PURA: variants seen among roughly 807,000 people sequenced by gnomAD.
The protein encoded by PURA is transcriptional activator protein Pur-alpha.
In PURA, 2 loss-of-function variants were observed where a neutral mutation model predicts 23.1. The ratio of observed to expected loss-of-function variants is 0.09; its 90% CI spans 0.04 to 0.27. The LOEUF (loss-of-function observed/expected upper bound fraction) is 0.27. PURA is among the 10% of genes least tolerant of loss of function. PURA has a pLI of 1.00. For synonymous variants in PURA, 254 were observed against 205.9 expected, an observed-to-expected ratio of 1.23 and a Z score of -2.00; for missense variants, 187 against 449.7, an observed-to-expected ratio of 0.42 and a Z score of 5.28.
Position 140,120,990 on chromosome 5 carries a change from C to T in PURA, c.*5840C>T, listed in dbSNP as rs1258542482. On this transcript the variant is annotated 3_prime_UTR_variant, in exon 1 of 1. Transcript: ENST00000331327. ...TGATCCTCTATGTAAAATATAGTTG[C>T]TTCTTACACATCAGAAGTATTTCAC... 6.0e-6 allele frequency: 1 copy of T among 166,816 alleles called. No homozygotes were observed. Among genetic ancestry groups the T allele is most frequent in the Non-Finnish European group, 1.5e-5 (1 of 67,978 alleles). The allele number at this position is 166,816 out of a possible 1,614,324, so 10.3% of individuals were successfully genotyped here. A position where few individuals can be genotyped will look rare whatever the true frequency, so the allele number is the denominator to read the frequency against.
Position 140,116,820 on chromosome 5 carries a change from A to T in PURA, c.*1670A>T, listed in dbSNP as rs901102187. ...GGAATTCTGTAGAAAGTATTTTGGT[A>T]AAAAAAAAAAAAAAAAAAAAGGGTC... On this transcript the variant is annotated 3_prime_UTR_variant, in exon 1 of 1. Coordinates refer to ENST00000331327, the MANE Select transcript of PURA (RefSeq NM_005859.5). 3.1e-5 allele frequency: 4 copies of T among 130,316 alleles called. No homozygotes were observed. Among genetic ancestry groups the T allele is most frequent in the African/African-American group, 5.6e-5 (2 of 35,590 alleles). The allele number at this position is 130,316 out of a possible 1,614,324, so 8.1% of individuals were successfully genotyped here.
rs1281468370 is a variant in PURA at position 140,121,412 on chromosome 5, T to C, written c.*6262T>C. ...CAGCTAATGACTTATCAGACACATG[T>C]TGAGTTTGGGTCAAACTCCCATTCA... On this transcript the variant is annotated 3_prime_UTR_variant, in exon 1 of 1. Transcript: ENST00000331327. 6.6e-5 allele frequency: 11 copies of C among 166,962 alleles called. No individual in the cohort carries two copies. Among genetic ancestry groups the C allele is most frequent in the African/African-American group, 2.2e-4 (9 of 41,458 alleles). The allele number at this position is 166,962 out of a possible 1,614,324, so 10.3% of individuals were successfully genotyped here. A position where few individuals can be genotyped will look rare whatever the true frequency, so the allele number is the denominator to read the frequency against.
At position 140,117,072 on chromosome 5, in the gene PURA, T is replaced by C. The variant is rs1417958726; in HGVS notation, c.*1922T>C. 2 of 167,026 alleles carry C rather than the reference T, an allele frequency of 1.2e-5. No homozygotes were observed. The highest frequency in any genetic ancestry group is 2.9e-5 in the Non-Finnish European group (2 of 68,114). The allele number at this position is 167,026 out of a possible 1,614,324, so 10.3% of individuals were successfully genotyped here. ...TATTTTTATGCTCCCTGGTTGAGTG[T>C]GTTGTCTTCGTTTTTGAGATCTACT... On this transcript the variant is annotated 3_prime_UTR_variant, in exon 1 of 1. Transcript: ENST00000331327.
At position 140,114,340 on chromosome 5, in the gene PURA, G is replaced by A. The variant is rs1763041242; in HGVS notation, c.159G>A (p.Gly53=). The A allele has an allele frequency of 1.3e-6, 2 of 1,523,610 alleles. No individual in the cohort carries two copies. The highest frequency in any genetic ancestry group is 1.8e-6 in the Non-Finnish European group (2 of 1,141,176). 94.4% of individuals were successfully genotyped at this position (1,523,610 alleles called of 1,614,324 possible). ...GCGGCGGCGGCGGGGCCCCAGGGGG[G>A]CTGCAGCACGAGACGCAGGAGCTGG... ...SGGGGGGAPG[G]LQHETQELAS... is the part of the protein sequence containing the mutation. Residue 53 remains glycine, a synonymous_variant, in exon 1 of 1, where the codon GGG becomes GGA. Coordinates refer to ENST00000331327, the MANE Select transcript of PURA (RefSeq NM_005859.5).
Position 140,115,174 on chromosome 5 carries a change from CACACACACATGCAT to C in PURA, c.*34_*47del. 1.5e-6 allele frequency: 2 copies of C among 1,371,694 alleles called. No homozygotes were observed. The highest frequency in any genetic ancestry group is 2.0e-6 in the Non-Finnish European group (2 of 1,009,676). The allele number at this position is 1,371,694 out of a possible 1,614,324, so 85.0% of individuals were successfully genotyped here. Reference sequence around the variant, plus strand: ...GATCAAACTGAATGAAACCCCCACACACACACACATGCATACACACACACACACAGCCACACACA... The same window carrying C: ...GATCAAACTGAATGAAACCCCCACACACACACACACACACAGCCACACACA... On this transcript the variant is annotated 3_prime_UTR_variant, in exon 1 of 1. Transcript: ENST00000331327. The surrounding 1 kb of genome is among the most constrained non-coding windows in gnomAD (Gnocchi z 4.1).
rs1187886808 is a variant in PURA, at chr5:140,119,109, A to T, written c.*3959A>T. On this transcript the variant is annotated 3_prime_UTR_variant, in exon 1 of 1. Transcript: ENST00000331327. The stretch of plus-strand genomic sequence containing the variant: ...GCATTCACAAACTTAACTGGAGCAT[A>T]TACAAATATATTAGTCTAAGTTTTG... 1 of 166,816 alleles carries T rather than the reference A, an allele frequency of 6.0e-6. No individual in the cohort carries two copies. The highest frequency in any genetic ancestry group is 1.9e-4 in the East Asian group (1 of 5,206). 10.3% of individuals were successfully genotyped at this position (166,816 alleles called of 1,614,324 possible).
At position 140,121,013 on chromosome 5, in the gene PURA, C is replaced by A. The variant is rs1236136720; in HGVS notation, c.*5863C>A. 6.0e-6 allele frequency: 1 copy of A among 166,888 alleles called. No homozygotes were observed. The highest frequency in any genetic ancestry group is 2.4e-5 in the African/African-American group (1 of 41,424). The allele number at this position is 166,888 out of a possible 1,614,324, so 10.3% of individuals were successfully genotyped here. ...TGCTTCTTACACATCAGAAGTATTT[C>A]ACTCATTTTGGAATCACAGGATTTT... On this transcript the variant is annotated 3_prime_UTR_variant, in exon 1 of 1. Coordinates refer to ENST00000331327, the MANE Select transcript of PURA (RefSeq NM_005859.5).
Position 140,114,124 on chromosome 5 carries a change from G to A in PURA, c.-58G>A, listed in dbSNP as rs997608532. On this transcript the variant is annotated 5_prime_UTR_variant, in exon 1 of 1. Transcript: ENST00000331327. ...GAGGGAAAGCAGCGGCGGCTGAGGC[G>A]ACTGAGGCGGCGGGCGGAGCGGCAG... 3 of 380,060 alleles carry A rather than the reference G, an allele frequency of 7.9e-6. No individual in the cohort carries two copies. Among genetic ancestry groups the A allele is most frequent in the East Asian group, 5.4e-5 (1 of 18,498 alleles). 23.5% of individuals were successfully genotyped at this position (380,060 alleles called of 1,614,324 possible). A position where few individuals can be genotyped will look rare whatever the true frequency, so the allele number is the denominator to read the frequency against.
rs1763072717 is a variant in PURA at position 140,115,921 on chromosome 5, C to G, written c.*771C>G. The stretch of plus-strand genomic sequence containing the variant: ...TGGACCTTAAACTTATAAAAATGGT[C>G]AGTGAAACTTCTGTGAACATGAAGA... On this transcript the variant is annotated 3_prime_UTR_variant, in exon 1 of 1. Transcript: ENST00000331327. The surrounding 1 kb of genome is among the most constrained non-coding windows in gnomAD (Gnocchi z 4.1). 6.0e-6 allele frequency: 1 copy of G among 166,880 alleles called. No homozygotes were observed. The highest frequency in any genetic ancestry group is 2.1e-4 in the South Asian group (1 of 4,820). The allele number at this position is 166,880 out of a possible 1,614,324, so 10.3% of individuals were successfully genotyped here. A position where few individuals can be genotyped will look rare whatever the true frequency, so the allele number is the denominator to read the frequency against.
In PURA at chr5:140,123,836, A is replaced by T. The variant is rs776436206; in HGVS notation, c.*8686A>T. ...CAGTGAGATAGGAGTCTAGCTGGGTACATGCTTAAAAAGCTGGAAGTGAAG... is the reference window on the plus strand; with the variant it reads ...CAGTGAGATAGGAGTCTAGCTGGGTTCATGCTTAAAAAGCTGGAAGTGAAG... On this transcript the variant is annotated 3_prime_UTR_variant, in exon 1 of 1. Transcript: ENST00000331327. 3 of 167,206 alleles carry T rather than the reference A, an allele frequency of 1.8e-5. No individual in the cohort carries two copies. Among genetic ancestry groups the T allele is most frequent in the Non-Finnish European group, 2.9e-5 (2 of 68,080 alleles). The allele number at this position is 167,206 out of a possible 1,614,324, so 10.4% of individuals were successfully genotyped here.
Position 140,114,118 on chromosome 5 carries a change from T to G in PURA, c.-64T>G. The G allele has an allele frequency of 3.0e-6, 1 of 338,148 alleles. No homozygotes were observed. Among genetic ancestry groups the G allele is most frequent in the Non-Finnish European group, 4.9e-6 (1 of 205,096 alleles). 20.9% of individuals were successfully genotyped at this position (338,148 alleles called of 1,614,324 possible). The stretch of plus-strand genomic sequence containing the variant: ...GCCGGGGAGGGAAAGCAGCGGCGGC[T>G]GAGGCGACTGAGGCGGCGGGCGGAG... On this transcript the variant is annotated 5_prime_UTR_variant, in exon 1 of 1. Transcript: ENST00000331327.
In PURA at chr5:140,124,406, TG is replaced by T. The variant is rs1763184075; in HGVS notation, c.*9257del. On this transcript the variant is annotated 3_prime_UTR_variant, in exon 1 of 1. Transcript: ENST00000331327. ...TTTTTGACATGCTCTTAGCATGTTT[TG>T]CTAGTCATTCTGGATCTTATGTTTG... 1 of 167,050 alleles carries T rather than the reference TG, an allele frequency of 6.0e-6. No homozygotes were observed. Among genetic ancestry groups the T allele is most frequent in the Admixed American group, 6.6e-5 (1 of 15,262 alleles). The allele number at this position is 167,050 out of a possible 1,614,324, so 10.3% of individuals were successfully genotyped here.
Position 140,118,385 on chromosome 5 carries a change from T to C in PURA, c.*3235T>C, listed in dbSNP as rs1159176193. 1 of 167,044 alleles carries C rather than the reference T, an allele frequency of 6.0e-6. No homozygotes were observed. The highest frequency in any genetic ancestry group is 1.5e-5 in the Non-Finnish European group (1 of 68,068). The allele number at this position is 167,044 out of a possible 1,614,324, so 10.3% of individuals were successfully genotyped here. A position where few individuals can be genotyped will look rare whatever the true frequency, so the allele number is the denominator to read the frequency against. ...TCAGCCACCAGATTTGAAATGCTTA[T>C]GTATGTGTGTGTGTTTGGAGTTGTT... On this transcript the variant is annotated 3_prime_UTR_variant, in exon 1 of 1. Transcript: ENST00000331327.
rs1377741580 is a variant in PURA at position 140,122,450 on chromosome 5, A to G, written c.*7300A>G. ...AGACTTTGGCCCACACAAATTTCTT[A>G]GAAGACAATAAACCAGGTAAAAACA... is the stretch of plus-strand genomic sequence containing the variant. On this transcript the variant is annotated 3_prime_UTR_variant, in exon 1 of 1. Coordinates refer to ENST00000331327, the MANE Select transcript of PURA (RefSeq NM_005859.5). 1 of 166,994 alleles carries G rather than the reference A, an allele frequency of 6.0e-6. No homozygotes were observed. Among genetic ancestry groups the G allele is most frequent in the African/African-American group, 2.4e-5 (1 of 41,558 alleles). 10.3% of individuals were successfully genotyped at this position (166,994 alleles called of 1,614,324 possible).
rs1763086559 is a variant in PURA at position 140,116,869 on chromosome 5, A to T, written c.*1719A>T. On this transcript the variant is annotated 3_prime_UTR_variant, in exon 1 of 1. Transcript: ENST00000331327. ...TCTTGTCTGACAGAGAGTTCTGGGG[A>T]TGGAATTGTTTCTTGGCAAATCCAG... The T allele has an allele frequency of 6.1e-6, 1 of 164,430 alleles. No homozygotes were observed. The allele number at this position is 164,430 out of a possible 1,614,324, so 10.2% of individuals were successfully genotyped here.
At position 140,115,779 on chromosome 5, in the gene PURA, T is replaced by A. The variant is rs1348771934; in HGVS notation, c.*629T>A. Reference sequence around the variant, plus strand: ...GTATATATATGAGGGCTAGGCATGCTGTGTGTCTGAGCTTTGTCTAAATGT... The same window carrying A: ...GTATATATATGAGGGCTAGGCATGCAGTGTGTCTGAGCTTTGTCTAAATGT... On this transcript the variant is annotated 3_prime_UTR_variant, in exon 1 of 1. Transcript: ENST00000331327. This position sits in a 1 kb window ranked among gnomAD's most constrained non-coding sequence, Gnocchi z 4.1. The A allele has an allele frequency of 6.0e-6, 1 of 167,088 alleles. No homozygotes were observed. The highest frequency in any genetic ancestry group is 1.5e-5 in the Non-Finnish European group (1 of 68,126). 10.4% of individuals were successfully genotyped at this position (167,088 alleles called of 1,614,324 possible).
At position 140,118,545 on chromosome 5, in the gene PURA, A is replaced by G. The variant is rs1420089041; in HGVS notation, c.*3395A>G. 6.0e-6 allele frequency: 1 copy of G among 167,014 alleles called. No homozygotes were observed. Among genetic ancestry groups the G allele is most frequent in the African/African-American group, 2.4e-5 (1 of 41,442 alleles). 10.3% of individuals were successfully genotyped at this position (167,014 alleles called of 1,614,324 possible). A position where few individuals can be genotyped will look rare whatever the true frequency, so the allele number is the denominator to read the frequency against. On this transcript the variant is annotated 3_prime_UTR_variant, in exon 1 of 1. Coordinates refer to ENST00000331327, the MANE Select transcript of PURA (RefSeq NM_005859.5). ...TTAACTAACCAGAACTGTAGAAATC[A>G]TTATACATGCCTTTGACAACAAAGG...
At position 140,117,484 on chromosome 5, in the gene PURA, CTT is replaced by C. The variant is rs1343124774; in HGVS notation, c.*2335_*2336del. The C allele has an allele frequency of 6.0e-6, 1 of 167,040 alleles. No homozygotes were observed. The highest frequency in any genetic ancestry group is 1.5e-5 in the Non-Finnish European group (1 of 68,102). 10.3% of individuals were successfully genotyped at this position (167,040 alleles called of 1,614,324 possible). ...AAAGAGAATTGCTTTGATTTTGTCTCTTGTTTACTATAGCTTCTTAAAGTTAA... is the reference window on the plus strand; with the variant it reads ...AAAGAGAATTGCTTTGATTTTGTCTCGTTTACTATAGCTTCTTAAAGTTAA... On this transcript the variant is annotated 3_prime_UTR_variant, in exon 1 of 1. Transcript: ENST00000331327.
At position 140,118,521 on chromosome 5, in the gene PURA, T is replaced by G. The variant is rs1763115053; in HGVS notation, c.*3371T>G. ...ATCCAGCCACAGAGGGAGCTAAAGT[T>G]AACTAACCAGAACTGTAGAAATCAT... On this transcript the variant is annotated 3_prime_UTR_variant, in exon 1 of 1. Coordinates refer to ENST00000331327, the MANE Select transcript of PURA (RefSeq NM_005859.5). 1 of 167,002 alleles carries G rather than the reference T, an allele frequency of 6.0e-6. No homozygotes were observed. Among genetic ancestry groups the G allele is most frequent in the Non-Finnish European group, 1.5e-5 (1 of 68,054 alleles). The allele number at this position is 167,002 out of a possible 1,614,324, so 10.3% of individuals were successfully genotyped here.
Sources: gnomAD v4.1 joint callset for allele counts on GRCh38, gnomAD v4.1.1 for gene constraint, Gnocchi (gnomAD v3.1) non-coding constraint, MANE v1.5 for transcripts, NCBI Gene and HGNC (gene_info 2026-07-23, HGNC 2026-07-21) for gene names.